The following PDE4D variants were observed in gnomAD, a reference collection of about 807,000 sequenced individuals.
PDE4D encodes 3',5'-cyclic-AMP phosphodiesterase 4D.
Under a neutral mutation model 87.4 loss-of-function variants are expected in PDE4D, and 24 were observed. The ratio of observed to expected loss-of-function variants is 0.27; its 90% confidence interval spans 0.20 to 0.39. PDE4D has a LOEUF of 0.39. Ranked by LOEUF, PDE4D falls within the 10% of genes least tolerant of loss-of-function variation. PDE4D has a pLI of 1.00. For synonymous variants in PDE4D, 384 were observed against 383.2 expected (o/e 1.00, Z -0.02); for missense variants, 714 against 1,041.0 (o/e 0.69, Z 4.32).
chr5:59,297,564 T>C (rs1371907147), intron 1 of PDE4D, among the ~76,000 whole-genome samples: 1 of 151,704 alleles, frequency 6.6e-6, no homozygotes, highest in Non-Finnish European at 1.5e-5. Context: ...CATATGTGAA[T>C]TTTTTTTTAA....
intron 1 of PDE4D, among the ~76,000 whole-genome samples, chr5:59,360,206 G>A (rs1781991346): frequency 1.3e-5 from 2 of 152,094 alleles, no homozygotes; most frequent in South Asian, 4.1e-4. Flanking sequence ...ATCCACATAG[G>A]CATTCAATTA....
chr5:59,275,934 A>T (rs903759460), intron 1 of PDE4D: 2 of 985,218 alleles, frequency 2.0e-6, no homozygotes, highest in African/African-American at 3.5e-5. Flanking sequence ...GCCAAGGAAC[A>T]AATCTCTCCA....
intron 1 of PDE4D, among the ~76,000 whole-genome samples, chr5:59,745,914 C>T (rs1759536168): frequency 6.6e-6 from 1 of 152,134 alleles, no homozygotes. Context: ...GAAAGCTATA[C>T]ATTTCATATT....
chr5:59,569,274 T>G (rs1821428677), intron 1 of PDE4D, among the ~76,000 whole-genome samples: 1 of 152,210 alleles, frequency 6.6e-6, no homozygotes, highest in Admixed American at 6.5e-5. Flanking sequence ...GTTAAAATGT[T>G]AAAATTGCTA....
intron 1 of PDE4D, among the ~76,000 whole-genome samples, chr5:59,623,654 T>C (rs1391933231): frequency 6.6e-6 from 1 of 152,186 alleles, no homozygotes; most frequent in Non-Finnish European, 1.5e-5. Context: ...ATTCCTGACC[T>C]TTTATAAACC....
chr5:59,746,113 C>T (rs1000719080), intron 1 of PDE4D, among the ~76,000 whole-genome samples: 1 of 152,110 alleles, frequency 6.6e-6, no homozygotes, highest in African/African-American at 2.4e-5. Context: ...AAATATTTTT[C>T]AGTTCTTCAA....
intron 1 of PDE4D, among the ~76,000 whole-genome samples, chr5:59,679,069 A>G (rs1325499052): frequency 1.3e-5 from 2 of 152,222 alleles, no homozygotes; most frequent in East Asian, 3.9e-4. Context: ...CACTTAGTTT[A>G]TTTTCTCTCA....
At chr5:60,454,934 G>A (rs953865058) in intron 1 of PDE4D, among the ~76,000 whole-genome samples, 24 of 151,908 alleles carry the variant, frequency 1.6e-4, no homozygotes, top group Admixed American at 1.4e-3. Flanking sequence ...AAGTGAGAGA[G>A]AAAGAAGGAA....
intron 1 of PDE4D, among the ~76,000 whole-genome samples, chr5:60,464,035 C>T (rs542642537): frequency 1.3e-5 from 2 of 152,244 alleles, no homozygotes; most frequent in East Asian, 3.9e-4. Context: ...CTCTCTCTCC[C>T]CCTCCCCATC....
intron 2 of PDE4D, among the ~76,000 whole-genome samples, chr5:60,154,638 C>T (rs1450375999): frequency 6.6e-6 from 1 of 152,160 alleles, no homozygotes; most frequent in Non-Finnish European, 1.5e-5. Flanking sequence ...AACATCAATA[C>T]ATTTTTATAA....
chr5:59,970,318 C>T (rs577024142), intron 3 of PDE4D, among the ~76,000 whole-genome samples: 1 of 152,264 alleles, frequency 6.6e-6, no homozygotes, highest in African/African-American at 2.4e-5. Flanking sequence ...ATGTCTAAAA[C>T]ACCAAAAGCA....
At chr5:60,297,686 C>G (rs1753531034) in intron 1 of PDE4D, among the ~76,000 whole-genome samples, 1 of 152,054 alleles carries the variant, frequency 6.6e-6, no homozygotes, top group Non-Finnish European at 1.5e-5. Flanking sequence ...TGGTATTATC[C>G]TATAACCAAA....
At chr5:59,740,507 G>A (rs145303719) in intron 1 of PDE4D, among the ~76,000 whole-genome samples, 453 of 152,206 alleles carry the variant, frequency 3.0e-3, no homozygotes, top group African/African-American at 0.011. Context: ...GCACAATCAC[G>A]TGGAATTCAT....
intron 1 of PDE4D, among the ~76,000 whole-genome samples, chr5:59,223,493 G>A (rs549007126): frequency 1.3e-5 from 2 of 152,180 alleles, no homozygotes; most frequent in South Asian, 2.1e-4. Flanking sequence ...GGGGAGGGGA[G>A]GCTTACCCTT....
At position 59,969,621 on chromosome 5, in the gene PDE4D, T is replaced by A. The variant is rs549403396; in HGVS notation, c.272+18867A>T. Among the ~76,000 whole-genome samples, 4 of 152,254 alleles carry A rather than the reference T, an allele frequency of 2.6e-5. No homozygotes were observed. In the South Asian group the frequency reaches 8.3e-4, roughly 32 times the overall value. Reference sequence around the variant, plus strand: ...ATCTTTTGAATTGTAGTTCTCATAATCCCCATGTGTCACAGGAGAGACCTG... The same window carrying A: ...ATCTTTTGAATTGTAGTTCTCATAAACCCCATGTGTCACAGGAGAGACCTG... On this transcript the variant is annotated intron_variant, in intron 3 of 16. Coordinates refer to the PDE4D transcript ENST00000502484.
upstream of PDE4D, among the ~76,000 whole-genome samples, chr5:59,895,161 A>T (rs1323251599): frequency 6.6e-6 from 1 of 152,192 alleles, no homozygotes; most frequent in Non-Finnish European, 1.5e-5. Context: ...ACCATGTCTC[A>T]AACTCTCTAG....
At chr5:60,371,566 C>T (rs1022857567) in intron 1 of PDE4D, among the ~76,000 whole-genome samples, 1 of 152,092 alleles carries the variant, frequency 6.6e-6, no homozygotes, top group East Asian at 1.9e-4. Flanking sequence ...ACAGAAAGTA[C>T]ACAAATCATA....
intron 1 of PDE4D, among the ~76,000 whole-genome samples, chr5:59,345,310 G>A (rs140601069): frequency 1.1e-4 from 16 of 152,150 alleles, no homozygotes; most frequent in Non-Finnish European, 2.1e-4. Flanking sequence ...AAGTGAGCAC[G>A]GGATATATAG....
At chr5:59,944,038 C>A (rs190749727) in intron 3 of PDE4D, among the ~76,000 whole-genome samples, 37 of 152,282 alleles carry the variant, frequency 2.4e-4, no homozygotes, top group African/African-American at 6.7e-4. Flanking sequence ...ACAACCTATA[C>A]CCATGAGGCA....
Sources: gnomAD v4.1 joint callset for allele counts (sites outside exome capture counted in the v4.1 genomes callset) on GRCh38, gnomAD v4.1.1 for gene constraint, MANE v1.5 for transcripts, NCBI Gene and HGNC (gene_info 2026-07-23, HGNC 2026-07-21) for gene names.